CFAP74: variants seen among roughly 807,000 people sequenced by gnomAD.
The protein encoded by CFAP74 is cilia and flagella associated protein 74, also known as cilia- and flagella-associated protein 74.
A neutral mutation model predicts 188.9 loss-of-function variants in CFAP74; 124 were observed. The observed-to-expected ratio is 0.66, with a 90% CI of 0.57 to 0.76. The LOEUF (loss-of-function observed/expected upper bound fraction) is 0.76. CFAP74 is among the 30% of genes least tolerant of loss of function. CFAP74 has a pLI of 0.00. For missense variants in CFAP74, 2,198 were observed against 2,165.2 expected (o/e 1.02, Z -0.30); for synonymous variants, 956 against 916.7 (o/e 1.04, Z -0.77).
chr1:1,955,513 C>T, intron 18 of CFAP74, 178 bp downstream of exon 18: 1 of 1,607,946 alleles, frequency 6.2e-7, no homozygotes, highest in Middle Eastern at 1.7e-4. Context: ...TCGTCCACTC[C>T]AAAAACAACA....
At chr1:1,943,023 GCTGGGCC>G in intron 21 of CFAP74, among the ~76,000 whole-genome samples, 1 of 152,348 alleles carries the variant, frequency 6.6e-6, no homozygotes, top group South Asian at 2.1e-4. Flanking sequence ...CACCCCTACT[GCTGGGCC>G]CCATGGGAGG....
chr1:1,940,077 ATGCAGG>A lies in CFAP74; in HGVS notation c.2703+233_2703+238del, dbSNP rs566958816. Among the ~76,000 whole-genome samples, 1,104 of 152,324 alleles carry A rather than the reference ATGCAGG, an allele frequency of 7.2e-3. 11 individuals carry two copies. Among genetic ancestry groups the A allele is most frequent in the African/African-American group, 0.025 (1,052 of 41,586 alleles). ...TGTGGGGCACCCCTCATGTGTGCAC[ATGCAGG>A]TGCAGGTGCCTGGGACACAGCCCTG... On this transcript the variant is annotated intron_variant, in intron 23 of 38. Coordinates refer to ENST00000682832, the MANE Select transcript of CFAP74 (RefSeq NM_001304360.2).
At chr1:1,924,569 C>G in intron 33 of CFAP74, 49 bp from the exon 34 acceptor site, 1 of 1,563,638 alleles carries the variant, frequency 6.4e-7, no homozygotes, top group Non-Finnish European at 8.7e-7. Flanking sequence ...TGCCTGGCTG[C>G]CCCCTTCCTG....
At chr1:1,982,083 G>T (rs1174238137) in intron 6 of CFAP74, among the ~76,000 whole-genome samples, 1 of 95,438 alleles carries the variant, frequency 1.0e-5, no homozygotes, top group African/African-American at 3.6e-5. Context: ...TCACATGCGG[G>T]GACACGCAGG....
At chr1:1,946,498 CCAACCCTCA>C (rs1350267567) in intron 19 of CFAP74, 59 bp from the exon 20 acceptor site, 1 of 1,472,084 alleles carries the variant, frequency 6.8e-7, no homozygotes, top group Non-Finnish European at 9.0e-7. Flanking sequence ...AGATCCCTTC[CCAACCCTCA>C]CAATGGCATG....
chr1:1,973,002 CT>C lies in CFAP74; in HGVS notation c.719del (p.Lys240SerfsTer17). ...TQKELGLRHQ[K>X]LLEDARKNHK... Reference sequence around the variant, plus strand: ...GGTTCTTCCGGGCGTCCTCCAGCAGCTTCTGGTGCCTGAGCCCGAGCTCCTT... The same window carrying C: ...GGTTCTTCCGGGCGTCCTCCAGCAGCTCTGGTGCCTGAGCCCGAGCTCCTT... On this transcript the variant is annotated frameshift_variant, in exon 8 of 39. Transcript: ENST00000682832. LOFTEE classifies it high-confidence loss of function. This position sits in a 1 kb window ranked among gnomAD's most constrained non-coding sequence, Gnocchi z 6.2. 1 of 1,614,066 alleles carries C rather than the reference CT, an allele frequency of 6.2e-7. No homozygotes were observed. Among genetic ancestry groups the C allele is most frequent in the Non-Finnish European group, 8.5e-7 (1 of 1,180,014 alleles).
intron 33 of CFAP74, among the ~76,000 whole-genome samples, chr1:1,925,123 TGCGAAGGCATGAGGGCACGCAGGGCAGG>T (rs1446755206): frequency 2.7e-3 from 365 of 135,238 alleles, no homozygotes; most frequent in Middle Eastern, 0.02. Flanking sequence ...CACACGCTGG[TGCGAAGGCATGAGGGCACGCAGGGCAGG>T]GCGAAGGCAT....
intron 1 of CFAP74, among the ~76,000 whole-genome samples, chr1:2,003,258 T>C (rs1658290633): frequency 6.6e-6 from 1 of 152,216 alleles, no homozygotes; most frequent in Non-Finnish European, 1.5e-5. Flanking sequence ...ACCTGGCTTA[T>C]GCAGATAAAA....
chr1:1,932,599 T>A (rs1178441601), intron 25 of CFAP74, among the ~76,000 whole-genome samples: 1 of 151,240 alleles, frequency 6.6e-6, no homozygotes, highest in Non-Finnish European at 1.5e-5. Flanking sequence ...TTTCTTTTTT[T>A]CTTTTTTTTT....
At chr1:1,944,178 C>T (rs1390444364) in intron 21 of CFAP74, among the ~76,000 whole-genome samples, 153 bp downstream of exon 21, 1 of 152,172 alleles carries the variant, frequency 6.6e-6, no homozygotes, top group African/African-American at 2.4e-5. Flanking sequence ...GGGGGGCTCA[C>T]CGCGTGTGCA....
chr1:1,923,863 C>T lies in CFAP74; in HGVS notation c.4301G>A (p.Gly1434Glu), dbSNP rs943517730. ...VAPVKGVMDPGKTQDFTVTFS... is the reference protein window; with the variant it reads ...VAPVKGVMDPEKTQDFTVTFS... ...GGTGACAGTGAAGTCTTGTGTCTTC[C>T]CGGGGTCCATGACGCCCTTGACGGG... Residue 1434 changes from glycine (G) to glutamate (E), a missense_variant, in exon 35 of 39, where the codon GGG becomes GAG. Coordinates refer to ENST00000682832, the MANE Select transcript of CFAP74 (RefSeq NM_001304360.2). The surrounding 1 kb of genome is among the most constrained non-coding windows in gnomAD (Gnocchi z 6.3). 3.7e-6 allele frequency: 6 copies of T among 1,613,118 alleles called. No homozygotes were observed. The highest frequency in any genetic ancestry group is 3.3e-5 in the Admixed American group (2 of 59,978).
At chr1:1,978,830 C>T (rs532775721) in intron 6 of CFAP74, among the ~76,000 whole-genome samples, 9 of 152,342 alleles carry the variant, frequency 5.9e-5, no homozygotes, top group African/African-American at 1.4e-4. Context: ...CAGAGCAGGC[C>T]GGGACACAGC....
Position 1,964,914 on chromosome 1 carries a change from T to C in CFAP74, c.1549A>G (p.Ser517Gly), listed in dbSNP as rs764201029. The change falls in exon 13 of 39, where the codon AGC becomes GGC. Residue 517 changes from serine to glycine, a missense_variant. Ser to Gly is a moderately conservative substitution (Grantham distance 56, BLOSUM62 0). Coordinates refer to ENST00000682832, the MANE Select transcript of CFAP74 (RefSeq NM_001304360.2). The part of the protein sequence containing the change: ...GREFQGRPFN[S>G]KPELLHFQDF... ...TGGAAGTGGAGGAGCTCCGGTTTGC[T>C]GTTGAAGGGGCGTCCTTGGAACTCA... 1 of 1,613,870 alleles carries C rather than the reference T, an allele frequency of 6.2e-7. No homozygotes were observed. Among genetic ancestry groups the C allele is most frequent in the South Asian group, 1.1e-5 (1 of 91,088 alleles).
Position 1,922,079 on chromosome 1 carries a change from G to C in CFAP74, c.*208C>G. On this transcript the variant is annotated 3_prime_UTR_variant, in exon 39 of 39. Transcript: ENST00000682832. ...GGCCTTCTCGCTGCTTCTGAGTCTGGGGTCTCAGGAGGGGTGCTCTTGGAT... is the reference window on the plus strand; with the variant it reads ...GGCCTTCTCGCTGCTTCTGAGTCTGCGGTCTCAGGAGGGGTGCTCTTGGAT... The C allele has an allele frequency of 1.8e-6, 1 of 555,792 alleles. No homozygotes were observed. The highest frequency in any genetic ancestry group is 3.5e-5 in the Admixed American group (1 of 28,614). The allele number at this position is 555,792 out of a possible 1,614,324, so 34.4% of individuals were successfully genotyped here.
chr1:1,934,062 A>C (rs112740630), intron 25 of CFAP74, among the ~76,000 whole-genome samples: 1 of 152,220 alleles, frequency 6.6e-6, no homozygotes, highest in Non-Finnish European at 1.5e-5. Flanking sequence ...GACCAGCAGC[A>C]GGGGTCTGAG....
At chr1:1,959,027 A>T in intron 16 of CFAP74, 93 bp downstream of exon 16, 1 of 654,372 alleles carries the variant, frequency 1.5e-6, no homozygotes, top group Non-Finnish European at 2.6e-6. Context: ...TCCCCCCGCC[A>T]ACCTGCACCC....
intron 13 of CFAP74, 103 bp from the exon 14 acceptor site, chr1:1,963,970 A>C: frequency 1.3e-6 from 1 of 766,870 alleles, no homozygotes; most frequent in Non-Finnish European, 2.3e-6. Flanking sequence ...AGCATTTGCC[A>C]ACTAGGGAGA....
In CFAP74 at chr1:1,970,829, G is replaced by A. The variant is rs376585199; in HGVS notation, c.889-13C>T. 9.8e-5 allele frequency: 158 copies of A among 1,613,134 alleles called. No homozygotes were observed. Among genetic ancestry groups the A allele is most frequent in the Non-Finnish European group, 1.3e-4 (151 of 1,179,468 alleles). On this transcript the variant is annotated splice_polypyrimidine_tract_variant and intron_variant, in intron 9 of 38. Coordinates refer to ENST00000682832, the MANE Select transcript of CFAP74 (RefSeq NM_001304360.2). ...TCCGCAGTGTGTCCTTGGAAACAGA[G>A]AGCACTGAGATGACAGCAGCAGCAC...
rs1367561097 is a variant in CFAP74 at position 1,968,038 on chromosome 1, GAAT to G, written c.1245+594_1245+596del. On this transcript the variant is annotated intron_variant, in intron 11 of 38. Coordinates refer to ENST00000682832, the MANE Select transcript of CFAP74 (RefSeq NM_001304360.2). This position sits in a 1 kb window ranked among gnomAD's most constrained non-coding sequence, Gnocchi z 4.3. ...TGAATGAATGAGTGAATGAGTGAAT[GAAT>G]AAGTGTATCAGTGAGTGAGTGAATG... is the stretch of plus-strand genomic sequence containing the variant. Among the ~76,000 whole-genome samples, 1 of 152,092 alleles carries G rather than the reference GAAT, an allele frequency of 6.6e-6. No homozygotes were observed. The highest frequency in any genetic ancestry group is 1.5e-5 in the Non-Finnish European group (1 of 68,026).
Sources: allele counts gnomAD v4.1 joint callset (sites outside exome capture counted in the v4.1 genomes callset), GRCh38; gene constraint gnomAD v4.1.1; non-coding constraint Gnocchi (gnomAD v3.1); transcripts MANE v1.5; gene names NCBI Gene and HGNC (gene_info 2026-07-23, HGNC 2026-07-21).